PPFIA2: variants seen among roughly 807,000 people sequenced by gnomAD.
The protein encoded by PPFIA2 is PPFI scaffold protein A2.
PPFIA2 carries 46 observed loss-of-function variants against 175.5 expected under a neutral mutation model. The observed-to-expected ratio is 0.26, with a 90% confidence interval of 0.21 to 0.34. PPFIA2 has a LOEUF of 0.34. Ranked by LOEUF, PPFIA2 falls within the 10% of genes least tolerant of loss-of-function variation. The pLI is 1.00. For missense variants in PPFIA2, 1,179 were observed against 1,506.1 expected (o/e 0.78, Z 3.60); for synonymous variants, 568 against 511.4 (o/e 1.11, Z -1.49).
At chr12:81,455,428 C>A (rs1367236218) in intron 5 of PPFIA2, among the ~76,000 whole-genome samples, 2 of 152,076 alleles carry the variant, frequency 1.3e-5, no homozygotes, top group South Asian at 2.1e-4. Context: ...TATTTTCCAG[C>A]CTTATTCATA....
At chr12:81,616,725 C>T (rs113717317) in intron 4 of PPFIA2, among the ~76,000 whole-genome samples, 1 of 152,078 alleles carries the variant, frequency 6.6e-6, no homozygotes, top group African/African-American at 2.4e-5. Context: ...AGGAAAGAAC[C>T]ATAAATATTA....
intron 4 of PPFIA2, among the ~76,000 whole-genome samples, chr12:81,487,797 A>G (rs2146942658): frequency 6.6e-6 from 1 of 151,960 alleles, no homozygotes; most frequent in East Asian, 1.9e-4. Context: ...GGCCATTGTG[A>G]TATCTGAAAA....
intron 3 of PPFIA2, among the ~76,000 whole-genome samples, chr12:81,686,542 C>G (rs2074443807): frequency 6.6e-6 from 1 of 152,012 alleles, no homozygotes; most frequent in Admixed American, 6.6e-5. Flanking sequence ...TTGCTAATTC[C>G]TGACTCAGTC....
intron 4 of PPFIA2, among the ~76,000 whole-genome samples, chr12:81,513,495 C>A (rs980352590): frequency 6.6e-6 from 1 of 151,882 alleles, no homozygotes; most frequent in Admixed American, 6.6e-5. Flanking sequence ...GATATGGAAC[C>A]AACCTAAGTT....
At chr12:81,541,756 T>C (rs1385804860) in intron 4 of PPFIA2, among the ~76,000 whole-genome samples, 1 of 152,106 alleles carries the variant, frequency 6.6e-6, no homozygotes, top group Non-Finnish European at 1.5e-5. Flanking sequence ...ATTTCTTGAG[T>C]TGTCTTCCTC....
At chr12:81,713,944 T>C (rs1000407065) in intron 3 of PPFIA2, among the ~76,000 whole-genome samples, 7 of 151,218 alleles carry the variant, frequency 4.6e-5, no homozygotes. Flanking sequence ...GAGGATATCA[T>C]TTTATGCAGA....
At chr12:81,701,533 T>C (rs914020472) in intron 3 of PPFIA2, among the ~76,000 whole-genome samples, 2 of 151,602 alleles carry the variant, frequency 1.3e-5, no homozygotes, top group Non-Finnish European at 2.9e-5. Context: ...TGGGCTCAAA[T>C]CACGGCTCTG....
At chr12:81,707,181 T>G (rs1421586451) in intron 3 of PPFIA2, among the ~76,000 whole-genome samples, 2 of 152,070 alleles carry the variant, frequency 1.3e-5, no homozygotes, top group East Asian at 1.9e-4. Flanking sequence ...GGGATCTAAT[T>G]AAACTAAAGA....
chr12:81,590,680 C>T (rs2058573109), intron 4 of PPFIA2, among the ~76,000 whole-genome samples: 1 of 151,978 alleles, frequency 6.6e-6, no homozygotes, highest in Admixed American at 6.6e-5. Flanking sequence ...CTCACGAGAT[C>T]TGATGGTTTT....
chr12:81,427,180 C>T (rs1476693346), intron 7 of PPFIA2, among the ~76,000 whole-genome samples: 1 of 151,744 alleles, frequency 6.6e-6, no homozygotes. Flanking sequence ...GATGAGGAAA[C>T]TATACCAGTT....
intron 4 of PPFIA2, chr12:81,473,027 G>C (rs2056968939): frequency 6.6e-6 from 1 of 152,156 alleles, no homozygotes; most frequent in Admixed American, 6.5e-5. Context: ...AATAACTCTT[G>C]AATTCTCTCT....
At chr12:81,545,204 A>G (rs35411413) in intron 4 of PPFIA2, 3 of 152,208 alleles carry the variant, frequency 2.0e-5, no homozygotes, top group Non-Finnish European at 4.4e-5. Context: ...TTAACTCTCA[A>G]AGAACACAAC....
chr12:81,473,281 C>A (rs774800403), intron 4 of PPFIA2, among the ~76,000 whole-genome samples: 1 of 151,830 alleles, frequency 6.6e-6, no homozygotes, highest in Non-Finnish European at 1.5e-5. Flanking sequence ...GATGTGGGGG[C>A]GCCTGTAATC....
chr12:81,362,724 T>G lies in PPFIA2; in HGVS notation c.1606A>C (p.Thr536Pro). The change falls in exon 15 of 33, where the codon ACT (threonine) becomes CCT (proline). Residue 536 changes from threonine to proline, a missense_variant. Thr to Pro is a conservative substitution (Grantham distance 38). Around this residue, in one of 10 missense-constraint regions of PPFIA2, gnomAD observed 186 missense variants for 163.6 expected, o/e 1.14. Coordinates refer to ENST00000549396, the MANE Select transcript of PPFIA2 (RefSeq NM_003625.5). ...ATTGTGGGTTCAATTAAAGAGCCAG[T>G]TCTCATTTTCAATTGGTCAAGTTCA... ...RSELDQLKMR[T>P]GSLIEPTIPR... 1 of 1,547,474 alleles carries G rather than the reference T, an allele frequency of 6.5e-7. No homozygotes were observed. Among genetic ancestry groups the G allele is most frequent in the Non-Finnish European group, 8.7e-7 (1 of 1,143,674 alleles).
Position 81,284,633 on chromosome 12 carries a change from G to A in PPFIA2, c.2926-330C>T, listed in dbSNP as rs527250204. Among the ~76,000 whole-genome samples, 238 of 152,138 alleles carry A rather than the reference G, an allele frequency of 1.6e-3. 1 individual carries two copies. Among genetic ancestry groups the A allele is most frequent in the Non-Finnish European group, 1.5e-3 (103 of 68,002 alleles). ...CTATCAGATCAATTTTTGTAATAAC[G>A]GTGAACTGATTAAATTTGAACTGTA... On this transcript the variant is annotated intron_variant, in intron 24 of 32. Coordinates refer to ENST00000549396, the MANE Select transcript of PPFIA2 (RefSeq NM_003625.5).
chr12:81,617,767 T>G (rs930942270), intron 4 of PPFIA2, among the ~76,000 whole-genome samples: 1 of 152,232 alleles, frequency 6.6e-6, no homozygotes, highest in African/African-American at 2.4e-5. Flanking sequence ...AAAGACCTAT[T>G]AAGTACCAGC....
At chr12:81,482,230 A>G (rs376727974) in intron 4 of PPFIA2, among the ~76,000 whole-genome samples, 3 of 152,230 alleles carry the variant, frequency 2.0e-5, no homozygotes, top group African/African-American at 7.2e-5. Context: ...TTAAAAAGTC[A>G]GGAAACAACA....
At chr12:81,439,141 T>C (rs1364932978) in intron 7 of PPFIA2, among the ~76,000 whole-genome samples, 1 of 150,452 alleles carries the variant, frequency 6.6e-6, no homozygotes, top group Non-Finnish European at 1.5e-5. Flanking sequence ...CTGACACAGG[T>C]TAAACTTCTC....
chr12:81,659,136 A>G (rs1175452953), intron 4 of PPFIA2, among the ~76,000 whole-genome samples: 7 of 152,150 alleles, frequency 4.6e-5, no homozygotes. Flanking sequence ...TCCCAGCATG[A>G]GCAATGCAGA....
Sources: gnomAD v4.1 joint callset for allele counts (sites outside exome capture counted in the v4.1 genomes callset) on GRCh38, gnomAD v4.1.1 for gene constraint, gnomAD v4.1.1 regional missense constraint, MANE v1.5 for transcripts, NCBI Gene and HGNC (gene_info 2026-07-23, HGNC 2026-07-21) for gene names.